GRM7: variants seen among roughly 807,000 people sequenced by gnomAD.
The protein encoded by GRM7 is glutamate metabotropic receptor 7.
GRM7 carries 35 observed loss-of-function variants against 84.5 expected under a neutral mutation model. The ratio of observed to expected loss-of-function variants is 0.41; its 90% CI spans 0.32 to 0.55. GRM7 has a LOEUF of 0.55. GRM7 is among the 20% of genes least tolerant of loss of function. GRM7 has a pLI of 0.19. For missense variants in GRM7, 1,003 were observed against 1,194.6 expected (o/e 0.84, Z 2.36); for synonymous variants, 487 against 455.1 (o/e 1.07, Z -0.89).
At chr3:7,285,720 G>A (rs1441147662) in intron 2 of GRM7, among the ~76,000 whole-genome samples, 3 of 152,094 alleles carry the variant, frequency 2.0e-5, no homozygotes, top group Non-Finnish European at 2.9e-5. Context: ...GTGGCACTGT[G>A]ATGCCAATTG....
intron 1 of GRM7, among the ~76,000 whole-genome samples, chr3:7,056,269 C>T (rs1697216220): frequency 6.6e-6 from 1 of 152,006 alleles, no homozygotes. Context: ...AATGGCAGAG[C>T]TTCTACAGGC....
intron 1 of GRM7, among the ~76,000 whole-genome samples, chr3:7,066,721 A>T (rs1284816061): frequency 6.6e-6 from 1 of 151,940 alleles, no homozygotes; most frequent in Non-Finnish European, 1.5e-5. Context: ...ACACAACCAA[A>T]AAAGAAAACT....
chr3:7,013,198 C>A (rs1217065549), intron 1 of GRM7, among the ~76,000 whole-genome samples: 1 of 151,848 alleles, frequency 6.6e-6, no homozygotes, highest in Non-Finnish European at 1.5e-5. Flanking sequence ...ATAAAGGCCC[C>A]TGTGACATGT....
At chr3:6,871,785 C>T (rs755472828) in intron 1 of GRM7, among the ~76,000 whole-genome samples, 5 of 152,020 alleles carry the variant, frequency 3.3e-5, no homozygotes, top group Non-Finnish European at 7.4e-5. Context: ...AACACACATA[C>T]ATTTCTAGTG....
chr3:7,170,072 G>A (rs1303307220), intron 2 of GRM7, among the ~76,000 whole-genome samples: 4 of 152,134 alleles, frequency 2.6e-5, no homozygotes, highest in Non-Finnish European at 5.9e-5. Context: ...TCATTCCTGG[G>A]TGTTGCTGAG....
chr3:7,070,682 C>G (rs1277373537), intron 1 of GRM7, among the ~76,000 whole-genome samples: 1 of 151,912 alleles, frequency 6.6e-6, no homozygotes, highest in Non-Finnish European at 1.5e-5. Context: ...AGAATTTGTA[C>G]TGTGAGAGAG....
chr3:7,123,392 G>A (rs2125045818), intron 1 of GRM7, among the ~76,000 whole-genome samples: 1 of 152,196 alleles, frequency 6.6e-6, no homozygotes, highest in East Asian at 1.9e-4. Flanking sequence ...GCCGAGGTGA[G>A]TGGATCACCT....
intron 8 of GRM7, among the ~76,000 whole-genome samples, chr3:7,645,678 C>T (rs1247890422): frequency 1.3e-5 from 2 of 151,932 alleles, no homozygotes; most frequent in African/African-American, 4.8e-5. Context: ...CTTAACTTGG[C>T]TCCTGGAGTG....
intron 7 of GRM7, among the ~76,000 whole-genome samples, chr3:7,569,634 C>T (rs1026373493): frequency 1.3e-5 from 2 of 152,148 alleles, no homozygotes; most frequent in Non-Finnish European, 2.9e-5. Flanking sequence ...CTGCTCCTCA[C>T]CCTTTGGGTC....
intron 7 of GRM7, among the ~76,000 whole-genome samples, chr3:7,489,159 G>T (rs1575409767): frequency 6.6e-6 from 1 of 152,066 alleles, no homozygotes; most frequent in Non-Finnish European, 1.5e-5. Flanking sequence ...AAACGTATTT[G>T]ACTGTGGTTC....
At chr3:7,641,223 C>G (rs1414303750) in intron 8 of GRM7, among the ~76,000 whole-genome samples, 1 of 152,168 alleles carries the variant, frequency 6.6e-6, no homozygotes, top group East Asian at 1.9e-4. Context: ...ATGTTACTTT[C>G]TGACCCTCTG....
intron 7 of GRM7, among the ~76,000 whole-genome samples, chr3:7,517,757 ACTGT>A (rs796720871): frequency 5.3e-5 from 8 of 152,222 alleles, no homozygotes; most frequent in African/African-American, 1.9e-4. Context: ...AGGTATTAAC[ACTGT>A]CTGGGGATTA....
intron 4 of GRM7, among the ~76,000 whole-genome samples, chr3:7,328,874 T>A (rs1014583805): frequency 2.0e-5 from 3 of 152,076 alleles, no homozygotes; most frequent in Admixed American, 1.3e-4. Context: ...TGCATGGTGA[T>A]GAGTATATGT....
At chr3:6,898,143 T>C (rs1696254047) in intron 1 of GRM7, among the ~76,000 whole-genome samples, 1 of 151,990 alleles carries the variant, frequency 6.6e-6, no homozygotes, top group African/African-American at 2.4e-5. Flanking sequence ...GGAGAAAGAA[T>C]TCGAAAGGGC....
chr3:6,998,401 A>T (rs1486789898), intron 1 of GRM7, among the ~76,000 whole-genome samples: 1 of 152,076 alleles, frequency 6.6e-6, no homozygotes, highest in East Asian at 1.9e-4. Flanking sequence ...AGTTGCTTTC[A>T]TGGGCTGGTG....
chr3:7,573,117 T>C (rs889462500), intron 7 of GRM7, among the ~76,000 whole-genome samples: 21 of 151,594 alleles, frequency 1.4e-4, no homozygotes, highest in Non-Finnish European at 4.4e-5. Flanking sequence ...CTCCTCTACC[T>C]CACCCCTCCT....
Position 6,888,668 on chromosome 3 carries a change from T to C in GRM7, c.519+26761T>C, listed in dbSNP as rs1695804879. 3.9e-5 allele frequency among the ~76,000 whole-genome samples: 6 copies of C among 152,188 alleles called. No individual in the cohort carries two copies. The South Asian group carries it at 1.2e-3, about 31-fold the overall frequency. On this transcript the variant is annotated intron_variant, in intron 1 of 9. Coordinates refer to ENST00000357716, the MANE Select transcript of GRM7 (RefSeq NM_000844.4). ...TATAGTTTGAAGTCAGGTAGCATGA[T>C]GCCTCCAGCTTTGTTCTTTTGGCTT...
chr3:7,070,435 A>C (rs1185523205), intron 1 of GRM7, among the ~76,000 whole-genome samples: 1 of 152,150 alleles, frequency 6.6e-6, no homozygotes, highest in Non-Finnish European at 1.5e-5. Context: ...AATGCTAAAA[A>C]CAAAACTTTT....
Position 7,094,262 on chromosome 3 carries a change from A to T in GRM7, c.520-52190A>T, listed in dbSNP as rs116814719. On this transcript the variant is annotated intron_variant, in intron 1 of 9. Transcript: ENST00000357716. Reference sequence around the variant, plus strand: ...AATTTTATAAAAATAAAGAATGAGTATAAGAGATTATCTTGTTTAATTTTG... The same window carrying T: ...AATTTTATAAAAATAAAGAATGAGTTTAAGAGATTATCTTGTTTAATTTTG... Among the ~76,000 whole-genome samples, 759 of 152,338 alleles carry T rather than the reference A, an allele frequency of 5.0e-3. 8 individuals are homozygous for T. Among genetic ancestry groups the T allele is most frequent in the African/African-American group, 0.018 (728 of 41,580 alleles).
Sources: allele counts gnomAD v4.1 joint callset (sites outside exome capture counted in the v4.1 genomes callset), GRCh38; gene constraint gnomAD v4.1.1; transcripts MANE v1.5; gene names NCBI Gene and HGNC (gene_info 2026-07-23, HGNC 2026-07-21).